GLS: variants seen among roughly 807,000 people sequenced by gnomAD.
GLS encodes glutaminase kidney isoform, mitochondrial.
Under a neutral mutation model 86.7 loss-of-function variants are expected in GLS, and 36 were observed. The ratio of observed to expected loss-of-function variants is 0.42; its 90% confidence interval spans 0.32 to 0.55. GLS has a LOEUF of 0.55. Among genes scored for constraint, GLS ranks in the 20% least tolerant of loss-of-function variants. The pLI is 0.17. For missense variants in GLS, 528 were observed against 833.4 expected, an observed-to-expected ratio of 0.63 and a Z score of 4.51; for synonymous variants, 317 against 305.9, an observed-to-expected ratio of 1.04 and a Z score of -0.38.
rs895443846 is a variant in GLS at position 190,943,501 on chromosome 2, G to A, written c.1651-10064G>A. Among the ~76,000 whole-genome samples the A allele has an allele frequency of 2.6e-5, 4 of 152,148 alleles. No individual in the cohort carries two copies. Among genetic ancestry groups the A allele is most frequent in the African/African-American group, 9.7e-5 (4 of 41,430 alleles). On this transcript the variant is annotated intron_variant, in intron 14 of 17. Transcript: ENST00000320717. The surrounding 1 kb of genome is among the most constrained non-coding windows in gnomAD (Gnocchi z 4.5). ...GCATAGTGCAATATCAGCAGTCAAG[G>A]AAAGAGTATTTTAAGGAGTTTGGAG...
intron 3 of GLS, among the ~76,000 whole-genome samples, chr2:190,898,447 TC>T (rs1688823898): frequency 6.6e-6 from 1 of 152,104 alleles, no homozygotes; most frequent in Admixed American, 6.6e-5. Flanking sequence ...TTAAAATAAC[TC>T]CCAAGAAAAA....
chr2:190,920,296 T>C lies in GLS; in HGVS notation c.1039-728T>C. On this transcript the variant is annotated intron_variant, in intron 7 of 17. Coordinates refer to ENST00000320717, the MANE Select transcript of GLS (RefSeq NM_014905.5). This position sits in a 1 kb window ranked among gnomAD's most constrained non-coding sequence, Gnocchi z 4.2. Reference sequence around the variant, plus strand: ...CTTGAACTGATCTACATTACATAGATTTTTCCTATTGACATTTGCAGTAGA... The same window carrying C: ...CTTGAACTGATCTACATTACATAGACTTTTCCTATTGACATTTGCAGTAGA... 6.6e-6 allele frequency: 1 copy of C among 151,888 alleles called. No individual in the cohort carries two copies. The highest frequency in any genetic ancestry group is 1.5e-5 in the Non-Finnish European group (1 of 67,782). The allele number at this position is 151,888 out of a possible 1,614,324, so 9.4% of individuals were successfully genotyped here.
intron 6 of GLS, among the ~76,000 whole-genome samples, chr2:190,908,856 A>G (rs1260826853): frequency 1.3e-5 from 2 of 152,258 alleles, no homozygotes. Context: ...TCTTTAAGAC[A>G]TCTTGAGTGT....
chr2:190,945,759 C>T (rs1167867237), intron 14 of GLS, among the ~76,000 whole-genome samples: 2 of 151,918 alleles, frequency 1.3e-5, no homozygotes, highest in Non-Finnish European at 2.9e-5. Context: ...CTTGGAGGTA[C>T]CATTTTGAGG....
rs2124949736 is a variant in GLS at position 190,954,497 on chromosome 2, C to T, written c.1713-87C>T. ...TGATGAAGGATGGCACCTGACAGGG[C>T]CTTAAATGAACTGATGGAGTGAATG... On this transcript the variant is annotated intron_variant, in intron 15 of 17. Coordinates refer to ENST00000320717, the MANE Select transcript of GLS (RefSeq NM_014905.5). This position sits in a 1 kb window ranked among gnomAD's most constrained non-coding sequence, Gnocchi z 4.0. 2.4e-6 allele frequency: 2 copies of T among 817,872 alleles called. No homozygotes were observed. Among genetic ancestry groups the T allele is most frequent in the East Asian group, 5.2e-5 (2 of 38,312 alleles). 50.7% of individuals were successfully genotyped at this position (817,872 alleles called of 1,614,324 possible). A position where few individuals can be genotyped will look rare whatever the true frequency, so the allele number is the denominator to read the frequency against.
At chr2:190,906,812 G>A (rs1219237412) in intron 6 of GLS, among the ~76,000 whole-genome samples, 1 of 151,876 alleles carries the variant, frequency 6.6e-6, no homozygotes, top group Non-Finnish European at 1.5e-5. Flanking sequence ...ATGTATATAT[G>A]TGTGTATCTA....
At position 190,924,194 on chromosome 2, in the gene GLS, C is replaced by A. The variant is rs1318344167; in HGVS notation, c.1197+211C>A. On this transcript the variant is annotated intron_variant, in intron 10 of 17. Coordinates refer to ENST00000320717, the MANE Select transcript of GLS (RefSeq NM_014905.5). The surrounding 1 kb of genome is among the most constrained non-coding windows in gnomAD (Gnocchi z 5.2). ...TATCTGGCAGCATTTAAATATTTGA[C>A]TCATATTATTTATTAATACAAATTT... Among the ~76,000 whole-genome samples, 2 of 152,016 alleles carry A rather than the reference C, an allele frequency of 1.3e-5. No homozygotes were observed. Among genetic ancestry groups the A allele is most frequent in the Non-Finnish European group, 2.9e-5 (2 of 67,996 alleles).
chr2:190,925,739 C>T (rs780620915), intron 11 of GLS, among the ~76,000 whole-genome samples: 1 of 152,020 alleles, frequency 6.6e-6, no homozygotes, highest in Admixed American at 6.6e-5. Context: ...TTCATCGGCC[C>T]AATGTGAAAA....
intron 11 of GLS, among the ~76,000 whole-genome samples, chr2:190,925,913 T>C (rs1450212893): frequency 3.9e-5 from 6 of 152,222 alleles, no homozygotes; most frequent in South Asian, 2.1e-4. Context: ...TGAGATGATA[T>C]GTGAAATTCC....
chr2:190,934,757 T>A (rs1690217370), intron 14 of GLS: 1 of 973,128 alleles, frequency 1.0e-6, no homozygotes. Context: ...TATTTTTGTG[T>A]TGGTAATGCT....
chr2:190,917,012 G>A (rs769656096), intron 7 of GLS, among the ~76,000 whole-genome samples: 1 of 152,174 alleles, frequency 6.6e-6, no homozygotes, highest in Non-Finnish European at 1.5e-5. Context: ...TGAAGATTGC[G>A]GTGGCTGTGG....
At chr2:190,940,366 A>G (rs970196871) in intron 14 of GLS, among the ~76,000 whole-genome samples, 14 of 152,168 alleles carry the variant, frequency 9.2e-5, no homozygotes, top group African/African-American at 2.9e-4. Flanking sequence ...TTAACATTCT[A>G]TGGTGACTAA....
chr2:190,902,034 T>C lies in GLS; in HGVS notation c.815+8T>C, dbSNP rs1353606688. Reference sequence around the variant, plus strand: ...TACAGTAGATGGACAGAGGTAAGTTTATTTCAAATTCATGAAAACCAACTC... The same window carrying C: ...TACAGTAGATGGACAGAGGTAAGTTCATTTCAAATTCATGAAAACCAACTC... On this transcript the variant is annotated splice_region_variant and intron_variant, in intron 5 of 17. Transcript: ENST00000320717. 7 of 1,566,360 alleles carry C rather than the reference T, an allele frequency of 4.5e-6. No homozygotes were observed. The highest frequency in any genetic ancestry group is 6.2e-6 in the Non-Finnish European group (7 of 1,136,784).
chr2:190,905,291 A>G lies in GLS; in HGVS notation c.979+124A>G. ...TTGTCATGTGATTTCTATATAATCC[A>G]TTGAGAGAGTTTCATCACCTACTTT... On this transcript the variant is annotated intron_variant, in intron 6 of 17. Coordinates refer to ENST00000320717, the MANE Select transcript of GLS (RefSeq NM_014905.5). The surrounding 1 kb of genome is among the most constrained non-coding windows in gnomAD (Gnocchi z 4.6). The G allele has an allele frequency of 1.6e-6, 1 of 623,756 alleles. No individual in the cohort carries two copies. The highest frequency in any genetic ancestry group is 2.7e-6 in the Non-Finnish European group (1 of 365,492). 38.6% of individuals were successfully genotyped at this position (623,756 alleles called of 1,614,324 possible). A position where few individuals can be genotyped will look rare whatever the true frequency, so the allele number is the denominator to read the frequency against.
chr2:190,935,130 G>A lies in GLS; in HGVS notation c.1650+3493G>A. 1 of 940,718 alleles carries A rather than the reference G, an allele frequency of 1.1e-6. No homozygotes were observed. Among genetic ancestry groups the A allele is most frequent in the African/African-American group, 1.8e-5 (1 of 56,396 alleles). The allele number at this position is 940,718 out of a possible 1,614,324, so 58.3% of individuals were successfully genotyped here. A position where few individuals can be genotyped will look rare whatever the true frequency, so the allele number is the denominator to read the frequency against. On this transcript the variant is annotated intron_variant, in intron 14 of 17. Transcript: ENST00000320717. The surrounding 1 kb of genome is among the most constrained non-coding windows in gnomAD (Gnocchi z 4.2). ...ATTTGAAATGCATATTGTTCTTGAA[G>A]TACTTTGTTTTTAGCATAAATGTTG...
Position 190,897,099 on chromosome 2 carries a change from G to A in GLS, c.605+1374G>A, listed in dbSNP as rs984709856. Among the ~76,000 whole-genome samples, 4 of 151,808 alleles carry A rather than the reference G, an allele frequency of 2.6e-5. No individual in the cohort carries two copies. Among genetic ancestry groups the A allele is most frequent in the Non-Finnish European group, 5.9e-5 (4 of 67,972 alleles). On this transcript the variant is annotated intron_variant, in intron 3 of 17. Coordinates refer to ENST00000320717, the MANE Select transcript of GLS (RefSeq NM_014905.5). This position sits in a 1 kb window ranked among gnomAD's most constrained non-coding sequence, Gnocchi z 4.3. ...GCTGGAGTGTAGTGACATGATCTTG[G>A]CTCACTACAACCTCTGCCTCCCGGG...
rs1183631176 is a variant in GLS at position 190,880,909 on chromosome 2, GCAGCAGCAGCAC to G, written c.-174_-163del. On this transcript the variant is annotated 5_prime_UTR_variant, in exon 1 of 18. Coordinates refer to ENST00000320717, the MANE Select transcript of GLS (RefSeq NM_014905.5). Reference sequence around the variant, plus strand: ...AGCAGCAGCAGCAGCAGCAGCAGCAGCAGCAGCAGCACCCGCATCCGCTGCGGGAGTCCGAGC... The same window carrying G: ...AGCAGCAGCAGCAGCAGCAGCAGCAGCCGCATCCGCTGCGGGAGTCCGAGC... The G allele has an allele frequency of 8.5e-6, 8 of 938,554 alleles. No homozygotes were observed. Among genetic ancestry groups the G allele is most frequent in the East Asian group, 5.8e-5 (2 of 34,438 alleles). The allele number at this position is 938,554 out of a possible 1,614,324, so 58.1% of individuals were successfully genotyped here.
chr2:190,881,543 G>C, intron 1 of GLS, 73 bp downstream of exon 1: 2 of 1,372,252 alleles, frequency 1.5e-6, no homozygotes, highest in South Asian at 1.3e-5. Context: ...GGGGCCCTGC[G>C]GTGGGGCGGG....
chr2:190,885,316 C>T (rs967988375), intron 1 of GLS, among the ~76,000 whole-genome samples: 5 of 151,910 alleles, frequency 3.3e-5, no homozygotes, highest in Non-Finnish European at 5.9e-5. Context: ...CTCAGCCTCC[C>T]GAGTAGCTGG....
Sources: allele counts gnomAD v4.1 joint callset (sites outside exome capture counted in the v4.1 genomes callset), GRCh38; gene constraint gnomAD v4.1.1; non-coding constraint Gnocchi (gnomAD v3.1); transcripts MANE v1.5; gene names NCBI Gene and HGNC (gene_info 2026-07-23, HGNC 2026-07-21).